Variants in KCNIP4 observed in about 807,000 individuals in gnomAD.
KCNIP4 encodes Kv channel-interacting protein 4.
In KCNIP4, 12 loss-of-function variants were observed where a neutral mutation model predicts 34.0. The observed-to-expected ratio is 0.35, with a 90% CI of 0.23 to 0.57. The LOEUF is 0.57. KCNIP4 is among the 20% of genes least tolerant of loss of function. KCNIP4 has a pLI of 0.83. For synonymous variants in KCNIP4, 124 were observed against 102.2 expected, an observed-to-expected ratio of 1.21 and a Z score of -1.29; for missense variants, 238 against 311.7, an observed-to-expected ratio of 0.76 and a Z score of 1.78.
At chr4:21,519,511 T>C (rs1174790893) in intron 1 of KCNIP4, among the ~76,000 whole-genome samples, 1 of 114,382 alleles carries the variant, frequency 8.7e-6, no homozygotes, top group South Asian at 3.1e-4. Context: ...TGTATGTGTA[T>C]ATACACATAT....
chr4:21,532,403 AT>A (rs1000635973), intron 1 of KCNIP4, among the ~76,000 whole-genome samples: 5 of 152,272 alleles, frequency 3.3e-5, no homozygotes, highest in African/African-American at 1.2e-4. Context: ...TAATAGATAC[AT>A]TTTTTATTAC....
intron 1 of KCNIP4, among the ~76,000 whole-genome samples, chr4:21,933,107 A>C (rs896212249): frequency 5.3e-5 from 8 of 151,554 alleles, no homozygotes; most frequent in Admixed American, 4.6e-4. Flanking sequence ...ATTATTCCAG[A>C]TATCACAAGG....
At chr4:21,060,741 A>C (rs1289221422) in intron 1 of KCNIP4, among the ~76,000 whole-genome samples, 4 of 151,620 alleles carry the variant, frequency 2.6e-5, no homozygotes, top group Non-Finnish European at 5.9e-5. Context: ...TCCTGAAGAG[A>C]TTGCTGAAGC....
intron 1 of KCNIP4, among the ~76,000 whole-genome samples, chr4:21,099,709 AGTAAACT>A (rs1747775333): frequency 6.6e-6 from 1 of 152,186 alleles, no homozygotes; most frequent in African/African-American, 2.4e-5. Flanking sequence ...ATCTGGGAAA[AGTAAACT>A]GAAAATCTTC....
At chr4:20,786,028 G>A (rs1364296459) in intron 3 of KCNIP4, among the ~76,000 whole-genome samples, 1 of 152,074 alleles carries the variant, frequency 6.6e-6, no homozygotes, top group African/African-American at 2.4e-5. Context: ...ATTCACAATA[G>A]CAAAGACGTG....
At chr4:21,612,331 G>A (rs532454031) in intron 1 of KCNIP4, among the ~76,000 whole-genome samples, 11 of 152,266 alleles carry the variant, frequency 7.2e-5, no homozygotes, top group South Asian at 2.1e-4. Context: ...TGTTAATAAC[G>A]TCACACTCAG....
intron 1 of KCNIP4, among the ~76,000 whole-genome samples, chr4:21,108,871 C>G (rs997360811): frequency 2.0e-5 from 3 of 152,078 alleles, no homozygotes; most frequent in South Asian, 4.1e-4. Context: ...CACTCCAGAC[C>G]CTGTTTGCCT....
At chr4:21,003,165 T>C (rs1234863440) in intron 1 of KCNIP4, among the ~76,000 whole-genome samples, 5 of 152,208 alleles carry the variant, frequency 3.3e-5, no homozygotes. Flanking sequence ...ACAGAGCTTA[T>C]GTCACTTCCT....
chr4:20,776,064 A>G (rs1438233921), intron 3 of KCNIP4, among the ~76,000 whole-genome samples: 3 of 152,186 alleles, frequency 2.0e-5, no homozygotes, highest in Admixed American at 1.3e-4. Flanking sequence ...ATTCTACCAC[A>G]TTCACTTTTC....
At chr4:21,763,422 T>C (rs1234181542) in intron 1 of KCNIP4, among the ~76,000 whole-genome samples, 1 of 152,190 alleles carries the variant, frequency 6.6e-6, no homozygotes, top group East Asian at 1.9e-4. Flanking sequence ...TCTTTTTCTT[T>C]TACTGAATAA....
At chr4:21,747,166 C>T (rs982114185) in intron 1 of KCNIP4, among the ~76,000 whole-genome samples, 2 of 152,082 alleles carry the variant, frequency 1.3e-5, no homozygotes, top group Non-Finnish European at 2.9e-5. Flanking sequence ...TACCTTCACT[C>T]AACACCCATT....
At chr4:21,044,832 C>A (rs530075735) in intron 1 of KCNIP4, among the ~76,000 whole-genome samples, 1 of 152,332 alleles carries the variant, frequency 6.6e-6, no homozygotes, top group South Asian at 2.1e-4. Flanking sequence ...CTCTTCCACC[C>A]TTCAACACTC....
At chr4:21,362,888 A>G (rs1014552721) in intron 1 of KCNIP4, among the ~76,000 whole-genome samples, 8 of 152,184 alleles carry the variant, frequency 5.3e-5, no homozygotes, top group Non-Finnish European at 1.0e-4. Context: ...AAATAGGAGA[A>G]CTACAATGGA....
chr4:21,467,197 T>C (rs1173278602), intron 1 of KCNIP4, among the ~76,000 whole-genome samples: 4 of 152,086 alleles, frequency 2.6e-5, no homozygotes, highest in Non-Finnish European at 4.4e-5. Context: ...TCTTAAGGAT[T>C]GTTAACTTCA....
intron 1 of KCNIP4, among the ~76,000 whole-genome samples, chr4:21,081,763 T>C (rs1188381394): frequency 6.6e-6 from 1 of 151,832 alleles, no homozygotes; most frequent in Non-Finnish European, 1.5e-5. Flanking sequence ...GGCCAATTGC[T>C]GATAAGAGCA....
chr4:21,291,705 T>A (rs571841444), intron 1 of KCNIP4, among the ~76,000 whole-genome samples: 80 of 149,444 alleles, frequency 5.4e-4, no homozygotes, highest in African/African-American at 1.6e-3. Flanking sequence ...AAAAAAAAAA[T>A]TAGCCAGGCA....
chr4:20,822,233 A>C (rs1717199498), intron 3 of KCNIP4, among the ~76,000 whole-genome samples: 1 of 152,160 alleles, frequency 6.6e-6, no homozygotes, highest in Non-Finnish European at 1.5e-5. Context: ...AAAACAAATA[A>C]TCCCATCAAA....
intron 3 of KCNIP4, among the ~76,000 whole-genome samples, chr4:20,844,977 G>A (rs1273143381): frequency 6.6e-6 from 1 of 152,156 alleles, no homozygotes; most frequent in Non-Finnish European, 1.5e-5. Context: ...GGAGGGTGGG[G>A]ATTAACTGCA....
intron 1 of KCNIP4, among the ~76,000 whole-genome samples, chr4:21,924,242 T>TC (rs1729104458): frequency 9.9e-6 from 1 of 101,138 alleles, no homozygotes; most frequent in Non-Finnish European, 1.8e-5. Context: ...TGAATATATT[T>TC]CTTTTTTTTT....
Sources: gnomAD v4.1 joint callset for allele counts (sites outside exome capture counted in the v4.1 genomes callset) on GRCh38, gnomAD v4.1.1 for gene constraint, MANE v1.5 for transcripts, NCBI Gene and HGNC (gene_info 2026-07-23, HGNC 2026-07-21) for gene names.